BRI3: variants seen among roughly 807,000 people sequenced by gnomAD.
The protein encoded by BRI3 is brain protein I3, also known as membrane protein BRI3.
BRI3 carries 6 observed loss-of-function variants against 12.8 expected under a neutral mutation model. That is an observed-to-expected ratio of 0.47 (90% CI 0.26 to 0.93). BRI3 has a LOEUF of 0.93. Ranked by LOEUF, BRI3 falls within the 40% of genes least tolerant of loss-of-function variation. The pLI is 0.15. For missense variants in BRI3, 134 were observed against 171.1 expected, an observed-to-expected ratio of 0.78 and a Z score of 1.21; for synonymous variants, 91 against 76.1, an observed-to-expected ratio of 1.20 and a Z score of -1.02.
chr7:98,302,353 A>AT (rs1201564084), upstream of BRI3, among the ~76,000 whole-genome samples: 9 of 152,318 alleles, frequency 5.9e-5, no homozygotes, highest in South Asian at 1.5e-3. Flanking sequence ...CAGAGCTGTG[A>AT]TTTTTGGGGG....
chr7:98,321,150 T>G, the BRI3 span, among the ~76,000 whole-genome samples: 11 of 152,212 alleles, frequency 7.2e-5, no homozygotes, highest in Admixed American at 6.5e-4. Flanking sequence ...TGAGCCACTG[T>G]ACCTGGCCCA....
At chr7:98,291,695 T>G (rs917377786), downstream of BRI3, 2 of 253,952 alleles carry the variant, frequency 7.9e-6, no homozygotes, top group Non-Finnish European at 1.3e-5. Flanking sequence ...TCCCTTGATA[T>G]TTACAGAGCA....
chr7:98,290,916 G>A (rs1799915726), intron 2 of BRI3, among the ~76,000 whole-genome samples, 195 bp from the exon 3 acceptor site: 1 of 152,208 alleles, frequency 6.6e-6, no homozygotes, highest in Non-Finnish European at 1.5e-5. Context: ...GGTACGTGCA[G>A]CTGGTTCTTG....
chr7:98,292,728 G>A (rs1800021160), downstream of BRI3: 6 of 1,551,508 alleles, frequency 3.9e-6, no homozygotes, highest in Admixed American at 2.0e-5. Context: ...AGCAGTTTGA[G>A]TGTACTGGTA....
chr7:98,292,410 G>A (rs1800003976), downstream of BRI3: 18 of 553,636 alleles, frequency 3.3e-5, no homozygotes, highest in South Asian at 4.0e-4. Context: ...CTGACCTCAG[G>A]TGATCCCCCT....
At chr7:98,318,360 G>A in the BRI3 span, among the ~76,000 whole-genome samples, 3 of 152,156 alleles carry the variant, frequency 2.0e-5, no homozygotes, top group South Asian at 4.1e-4. Context: ...CTGAGATCGC[G>A]CCACTGCACT....
downstream of BRI3, among the ~76,000 whole-genome samples, chr7:98,312,553 C>T (rs1284171920): frequency 6.6e-6 from 1 of 152,152 alleles, no homozygotes; most frequent in Non-Finnish European, 1.5e-5. Flanking sequence ...AGAACAGAAA[C>T]TCAAAGGGAG....
downstream of BRI3, chr7:98,294,223 G>T: frequency 9.0e-7 from 1 of 1,107,566 alleles, no homozygotes; most frequent in Non-Finnish European, 1.3e-6. Context: ...GAACTCCTGA[G>T]CTCACGTGAT....
chr7:98,317,974 C>T, the BRI3 span, among the ~76,000 whole-genome samples: 20 of 150,286 alleles, frequency 1.3e-4, no homozygotes, highest in Admixed American at 2.7e-4. Flanking sequence ...ACCATCCTTA[C>T]GCTGGCTGGG....
chr7:98,290,153 CACCAA>C (rs549117058), intron 2 of BRI3, among the ~76,000 whole-genome samples: 69 of 149,440 alleles, frequency 4.6e-4, no homozygotes, highest in African/African-American at 1.6e-3. Context: ...TGGCTTGTGG[CACCAA>C]AATGATCATG....
downstream of BRI3, chr7:98,312,190 T>G (rs1351951784): frequency 5.0e-6 from 8 of 1,614,130 alleles, no homozygotes; most frequent in East Asian, 1.6e-4. Flanking sequence ...TATTCATGAT[T>G]TTCTCTGGCA....
At chr7:98,316,577 AGGGT>A in the BRI3 span, among the ~76,000 whole-genome samples, 1 of 152,340 alleles carries the variant, frequency 6.6e-6, no homozygotes, top group African/African-American at 2.4e-5. Context: ...TGATCAAAGC[AGGGT>A]CCTTGGGTGG....
chr7:98,289,752 G>T (rs565294364), intron 2 of BRI3, among the ~76,000 whole-genome samples: 29 of 152,340 alleles, frequency 1.9e-4, no homozygotes, highest in African/African-American at 6.0e-4. Context: ...GGCTAGTGTG[G>T]TTAATTTCAG....
chr7:98,286,600 C>A (rs960080803), intron 2 of BRI3, among the ~76,000 whole-genome samples: 1 of 152,162 alleles, frequency 6.6e-6, no homozygotes, highest in Non-Finnish European at 1.5e-5. Flanking sequence ...CGCAGGTGTT[C>A]CGGGGCAGGG....
chr7:98,292,221 A>G (rs1132971), downstream of BRI3: 81,350 of 202,904 alleles, frequency 0.4, 18,125 homozygotes, highest in Middle Eastern at 0.53. Context: ...AGGAGAGGGG[A>G]TAAGTCACAG....
At chr7:98,282,743 G>A in intron 2 of BRI3, 1 of 371,800 alleles carries the variant, frequency 2.7e-6, no homozygotes, top group Non-Finnish European at 4.9e-6. Context: ...GGTAACAACG[G>A]GACTCGTGGT....
chr7:98,296,244 A>G (rs2116790184), downstream of BRI3, among the ~76,000 whole-genome samples: 1 of 152,352 alleles, frequency 6.6e-6, no homozygotes, highest in East Asian at 1.9e-4. Flanking sequence ...GGGGCCGGGA[A>G]CGTCCTGCTG....
chr7:98,319,251 C>A, the BRI3 span, among the ~76,000 whole-genome samples: 2 of 152,088 alleles, frequency 1.3e-5, no homozygotes, highest in African/African-American at 4.8e-5. Flanking sequence ...CCCTCAATAC[C>A]GGGTCTGTAG....
At chr7:98,292,315 G>A (rs574589767), downstream of BRI3, 54 of 336,290 alleles carry the variant, frequency 1.6e-4, no homozygotes, top group African/African-American at 7.5e-4. Flanking sequence ...TCTGCCTCCC[G>A]GGTTCAAGTG....
Sources: allele counts gnomAD v4.1 joint callset (sites outside exome capture counted in the v4.1 genomes callset), GRCh38; gene constraint gnomAD v4.1.1; transcripts MANE v1.5; gene names NCBI Gene and HGNC (gene_info 2026-07-23, HGNC 2026-07-21).